The following ANK1 variants were observed in gnomAD, a reference collection of about 807,000 sequenced individuals.
The protein encoded by ANK1 is ankyrin-1.
Under a neutral mutation model 210.4 loss-of-function variants are expected in ANK1, and 51 were observed. That is an observed-to-expected ratio of 0.24 (90% confidence interval 0.19 to 0.31). The LOEUF is 0.31. ANK1 is among the 10% of genes least tolerant of loss of function. ANK1 has a pLI of 1.00. For synonymous variants in ANK1, 967 were observed against 1,025.9 expected, an observed-to-expected ratio of 0.94 and a Z score of 1.10; for missense variants, 2,051 against 2,504.4, an observed-to-expected ratio of 0.82 and a Z score of 3.86.
chr8:41,712,704 G>A (rs1334829773), intron 16 of ANK1, among the ~76,000 whole-genome samples: 3 of 152,210 alleles, frequency 2.0e-5, no homozygotes, highest in Non-Finnish European at 1.5e-5. Flanking sequence ...TTTGGGTGCA[G>A]AGAGATTTGC....
intron 1 of ANK1, among the ~76,000 whole-genome samples, chr8:41,790,944 A>T (rs2150760936): frequency 6.6e-6 from 1 of 152,252 alleles, no homozygotes; most frequent in African/African-American, 2.4e-5. Flanking sequence ...TTGGAGAAAA[A>T]GCAAACTACA....
chr8:41,718,308 G>T, intron 10 of ANK1, 104 bp from the exon 11 acceptor site: 1 of 1,018,740 alleles, frequency 9.8e-7, no homozygotes, highest in African/African-American at 1.6e-5. Context: ...TGCTGCCCAG[G>T]CCACCAGCAG....
At chr8:41,691,077 C>T (rs55832342) in intron 31 of ANK1, among the ~76,000 whole-genome samples, 25,743 of 151,838 alleles carry the variant, frequency 0.17, 4,803 homozygotes, top group African/African-American at 0.47. Context: ...TTTAAAAAAA[C>T]TAGCCAGGTG....
chr8:41,702,191 A>AG, intron 20 of ANK1, 47 bp from the exon 21 acceptor site: 1 of 1,534,218 alleles, frequency 6.5e-7, no homozygotes, highest in Non-Finnish European at 9.0e-7. Flanking sequence ...GATGGAGTCT[A>AG]GGAGGCGGGG....
intron 2 of ANK1, among the ~76,000 whole-genome samples, chr8:41,755,037 A>G (rs1405611352): frequency 1.3e-5 from 2 of 152,252 alleles, no homozygotes; most frequent in Non-Finnish European, 2.9e-5. Context: ...AACTTGTGGC[A>G]GTGTCCTCTT....
intron 1 of ANK1, among the ~76,000 whole-genome samples, chr8:41,886,438 G>C: frequency 6.6e-6 from 1 of 152,208 alleles, no homozygotes; most frequent in East Asian, 1.9e-4. Context: ...GTAAACATCT[G>C]ACTCCATCTC....
At chr8:41,785,078 C>T (rs1422179350) in intron 1 of ANK1, among the ~76,000 whole-genome samples, 1 of 152,210 alleles carries the variant, frequency 6.6e-6, no homozygotes, top group Non-Finnish European at 1.5e-5. Context: ...CAGAATGAGA[C>T]TGGGCATGAT....
intron 1 of ANK1, among the ~76,000 whole-genome samples, chr8:41,816,443 T>G (rs1336750519): frequency 6.6e-6 from 1 of 152,214 alleles, no homozygotes; most frequent in African/African-American, 2.4e-5. Flanking sequence ...TAATATTCTT[T>G]TTTTTCTTAT....
intron 1 of ANK1, among the ~76,000 whole-genome samples, chr8:41,864,240 ACT>A (rs1178211686): frequency 6.3e-5 from 8 of 127,678 alleles, no homozygotes; most frequent in Non-Finnish European, 1.6e-5. Flanking sequence ...ACAGAGTGAG[ACT>A]CTGTCTCAAA....
chr8:41,892,979 G>T (rs1053832415), intron 1 of ANK1, among the ~76,000 whole-genome samples: 40 of 152,174 alleles, frequency 2.6e-4, no homozygotes, highest in African/African-American at 9.2e-4. Context: ...GGGTCTCACC[G>T]TGTTGCAGGT....
chr8:41,859,477 G>A (rs183972505), intron 1 of ANK1, among the ~76,000 whole-genome samples: 1 of 152,188 alleles, frequency 6.6e-6, no homozygotes, highest in African/African-American at 2.4e-5. Context: ...GTCTTGAGTA[G>A]CTGGGATCAC....
At chr8:41,865,719 C>T (rs963885329) in intron 1 of ANK1, among the ~76,000 whole-genome samples, 8 of 152,196 alleles carry the variant, frequency 5.3e-5, no homozygotes, top group East Asian at 3.9e-4. Context: ...TCTCCCTCCT[C>T]CCCCCAGCAG....
chr8:41,701,021 G>C (rs1334126755), intron 22 of ANK1, among the ~76,000 whole-genome samples: 1 of 152,050 alleles, frequency 6.6e-6, no homozygotes. Flanking sequence ...CTCCAACCTC[G>C]GCTGCCCAAA....
chr8:41,727,850 A>T (rs1831112750), intron 4 of ANK1, 58 bp downstream of exon 4: 1 of 1,564,684 alleles, frequency 6.4e-7, no homozygotes, highest in Middle Eastern at 1.7e-4. Context: ...AGGGAGCAGC[A>T]AAGAGGAACC....
intron 42 of ANK1, 136 bp from the exon 43 acceptor site, chr8:41,655,889 G>T: frequency 1.0e-6 from 1 of 1,003,030 alleles, no homozygotes; most frequent in Non-Finnish European, 1.5e-6. Flanking sequence ...CAGGCAGGGC[G>T]ATGTGCTGAG....
chr8:41,770,297 G>T (rs1842759433), intron 1 of ANK1, among the ~76,000 whole-genome samples: 1 of 151,918 alleles, frequency 6.6e-6, no homozygotes, highest in East Asian at 1.9e-4. Context: ...TATCTTCTTT[G>T]GTGATACATC....
At chr8:41,747,852 A>G (rs1349430692) in intron 2 of ANK1, among the ~76,000 whole-genome samples, 1 of 152,148 alleles carries the variant, frequency 6.6e-6, no homozygotes, top group East Asian at 1.9e-4. Context: ...GAAGATTTTT[A>G]TGTAACTGAA....
intron 18 of ANK1, 90 bp downstream of exon 18, chr8:41,706,053 T>C: frequency 8.0e-7 from 1 of 1,256,636 alleles, no homozygotes. Flanking sequence ...TCCCACTGGG[T>C]CTTTGGGGTT....
chr8:41,729,002 C>A (rs567391691), intron 3 of ANK1, among the ~76,000 whole-genome samples: 32 of 152,312 alleles, frequency 2.1e-4, no homozygotes, highest in African/African-American at 7.0e-4. Flanking sequence ...ATACCTTTGA[C>A]GCCATCCCAG....
Sources: gnomAD v4.1 joint callset for allele counts (sites outside exome capture counted in the v4.1 genomes callset) on GRCh38, gnomAD v4.1.1 for gene constraint, MANE v1.5 for transcripts, NCBI Gene and HGNC (gene_info 2026-07-23, HGNC 2026-07-21) for gene names.